Variants in RHOBTB2 observed in about 807,000 individuals in gnomAD.
RHOBTB2 encodes the protein Rho related BTB domain containing 2.
Under a neutral mutation model 66.5 loss-of-function variants are expected in RHOBTB2, and 39 were observed. The observed-to-expected ratio is 0.59, with a 90% CI of 0.45 to 0.77. The LOEUF (loss-of-function observed/expected upper bound fraction) is 0.77. Ranked by LOEUF, RHOBTB2 falls within the 30% of genes least tolerant of loss-of-function variation. The probability of loss-of-function intolerance (pLI) is 0.00; values close to 1 mark genes in which losing one functional copy is unlikely to be tolerated. For synonymous variants in RHOBTB2, 390 were observed against 395.0 expected (o/e 0.99, Z 0.15); for missense variants, 755 against 999.1 (o/e 0.76, Z 3.29).
the RHOBTB2 span, among the ~76,000 whole-genome samples, chr8:22,967,954 C>T: frequency 2.0e-5 from 3 of 151,946 alleles, no homozygotes; most frequent in African/African-American, 4.8e-5. Context: ...TCCAGGAGTT[C>T]GAGAGCAGCC....
Position 23,004,148 on chromosome 8 carries a change from G to C in RHOBTB2, c.-10-277G>C. The C allele has an allele frequency of 2.1e-6, 1 of 478,166 alleles. No individual in the cohort carries two copies. The highest frequency in any genetic ancestry group is 3.9e-6 in the Non-Finnish European group (1 of 258,550). The allele number at this position is 478,166 out of a possible 1,614,324, so 29.6% of individuals were successfully genotyped here. A position where few individuals can be genotyped will look rare whatever the true frequency, so the allele number is the denominator to read the frequency against. The stretch of plus-strand genomic sequence containing the variant: ...AAGCTCCACTGGTGATCTCGCGTAG[G>C]TCTCCTTCATCCAGACGCACAGCTG... On this transcript the variant is annotated intron_variant, in intron 1 of 9. Coordinates refer to ENST00000251822, the MANE Select transcript of RHOBTB2 (RefSeq NM_015178.3). The surrounding 1 kb of genome is among the most constrained non-coding windows in gnomAD (Gnocchi z 6.4).
chr8:22,992,298 T>A (rs1278294529), intron 2 of RHOBTB2: 1 of 152,204 alleles, frequency 6.6e-6, no homozygotes, highest in Non-Finnish European at 1.5e-5. Flanking sequence ...ATAATCTTTA[T>A]TTGTTAACAG....
rs1336196486 is a variant in RHOBTB2, at chr8:22,999,585, T to G, written c.-531T>G. 2 of 1,226,574 alleles carry G rather than the reference T, an allele frequency of 1.6e-6. No individual in the cohort carries two copies. The highest frequency in any genetic ancestry group is 3.4e-5 in the African/African-American group (2 of 59,632). 76.0% of individuals were successfully genotyped at this position (1,226,574 alleles called of 1,614,324 possible). A position where few individuals can be genotyped will look rare whatever the true frequency, so the allele number is the denominator to read the frequency against. ...GGCTGTCGTCTTGGGTGCGATTTTTTTCTCCTCCTTTTTTTACCCTCCCGT... is the reference window on the plus strand; with the variant it reads ...GGCTGTCGTCTTGGGTGCGATTTTTGTCTCCTCCTTTTTTTACCCTCCCGT... On this transcript the variant is annotated 5_prime_UTR_variant, in exon 1 of 10. Coordinates refer to ENST00000251822, the MANE Select transcript of RHOBTB2 (RefSeq NM_015178.3).
chr8:22,965,747 T>C, the RHOBTB2 span, among the ~76,000 whole-genome samples: 2 of 152,226 alleles, frequency 1.3e-5, no homozygotes, highest in African/African-American at 4.8e-5. Context: ...ATGAAATTTT[T>C]GCCTTTTACC....
the RHOBTB2 span, among the ~76,000 whole-genome samples, chr8:22,981,397 C>T: frequency 6.6e-6 from 1 of 152,174 alleles, no homozygotes; most frequent in Non-Finnish European, 1.5e-5. Context: ...GCAGCTCATT[C>T]CTGGTGTAGG....
At chr8:22,964,645 A>G in the RHOBTB2 span, among the ~76,000 whole-genome samples, 1 of 151,854 alleles carries the variant, frequency 6.6e-6, no homozygotes, top group Non-Finnish European at 1.5e-5. Context: ...ACACCATACA[A>G]TCGTGTATGG....
chr8:22,998,826 ATCTC>A (rs1404270115), upstream of RHOBTB2: 3 of 152,096 alleles, frequency 2.0e-5, no homozygotes, highest in Admixed American at 6.5e-5. Flanking sequence ...ATACCTTAGA[ATCTC>A]TCTATTTTAC....
chr8:23,016,486 A>T (rs1040615617), intron 9 of RHOBTB2, among the ~76,000 whole-genome samples: 2 of 152,054 alleles, frequency 1.3e-5, no homozygotes, highest in African/African-American at 4.8e-5. Context: ...ATCTCGGCTC[A>T]CTGCAACCTC....
chr8:22,963,655 TG>T, the RHOBTB2 span, among the ~76,000 whole-genome samples: 2 of 152,132 alleles, frequency 1.3e-5, no homozygotes, highest in Non-Finnish European at 2.9e-5. Flanking sequence ...TTCACATAGC[TG>T]GGGAAGCCTC....
rs1585189420 is a variant in RHOBTB2, at chr8:23,004,733, G to T, written c.192+107G>T. Reference sequence around the variant, plus strand: ...CCAGAGCTCACGGGAGCCCTCTAGGGGTGGGACAGGATGGGTTGGGGGCAG... The same window carrying T: ...CCAGAGCTCACGGGAGCCCTCTAGGTGTGGGACAGGATGGGTTGGGGGCAG... On this transcript the variant is annotated intron_variant, in intron 2 of 9. Transcript: ENST00000251822. The surrounding 1 kb of genome is among the most constrained non-coding windows in gnomAD (Gnocchi z 6.4). 4 of 1,113,020 alleles carry T rather than the reference G, an allele frequency of 3.6e-6. No homozygotes were observed. The highest frequency in any genetic ancestry group is 5.2e-6 in the Non-Finnish European group (4 of 771,134). 68.9% of individuals were successfully genotyped at this position (1,113,020 alleles called of 1,614,324 possible).
At chr8:23,010,710 G>A (rs774558036) in intron 7 of RHOBTB2, 22 bp downstream of exon 7, 3 of 1,612,390 alleles carry the variant, frequency 1.9e-6, no homozygotes, top group East Asian at 2.2e-5. Flanking sequence ...GTGCACTCGG[G>A]GACCTCCCCG....
intron 6 of RHOBTB2, among the ~76,000 whole-genome samples, chr8:23,009,194 AAGGGAGGG>A (rs983058085): frequency 1.2e-4 from 17 of 142,990 alleles, no homozygotes; most frequent in Admixed American, 6.2e-4. Context: ...GAAAAGAAGG[AAGGGAGGG>A]AGGGAGGGAG....
intron 1 of RHOBTB2, among the ~76,000 whole-genome samples, chr8:22,987,933 G>T (rs10090428): frequency 2.5e-4 from 38 of 152,006 alleles, no homozygotes; most frequent in African/African-American, 8.4e-4. Context: ...TTGTGACCCT[G>T]GCCAGGACGG....
In RHOBTB2 at chr8:23,006,465, G is replaced by A. The variant is rs188492184; in HGVS notation, c.483-263G>A. The A allele has an allele frequency of 1.5e-4, 85 of 564,860 alleles. No homozygotes were observed. The highest frequency in any genetic ancestry group is 1.3e-4 in the Non-Finnish European group (40 of 318,768). The allele number at this position is 564,860 out of a possible 1,614,324, so 35.0% of individuals were successfully genotyped here. A position where few individuals can be genotyped will look rare whatever the true frequency, so the allele number is the denominator to read the frequency against. On this transcript the variant is annotated intron_variant, in intron 4 of 9. Coordinates refer to ENST00000251822, the MANE Select transcript of RHOBTB2 (RefSeq NM_015178.3). This position sits in a 1 kb window ranked among gnomAD's most constrained non-coding sequence, Gnocchi z 6.1. ...TAAATACCCATGTGAAGCATTGCCT[G>A]CTAATTGCCAGAGAGGCAGTGCTGT...
chr8:22,964,329 A>T, the RHOBTB2 span, among the ~76,000 whole-genome samples: 1 of 152,180 alleles, frequency 6.6e-6, no homozygotes, highest in Non-Finnish European at 1.5e-5. Context: ...GCATTCCAAC[A>T]TTCATTCCTA....
chr8:22,982,830 G>C (rs2128793666), upstream of RHOBTB2, among the ~76,000 whole-genome samples: 1 of 152,356 alleles, frequency 6.6e-6, no homozygotes, highest in Admixed American at 6.5e-5. Flanking sequence ...GACAGTCTGA[G>C]ATCAAGGTGC....
At position 22,999,648 on chromosome 8, in the gene RHOBTB2, G is replaced by A; in HGVS notation, c.-468G>A. The A allele has an allele frequency of 3.3e-6, 4 of 1,218,170 alleles. No homozygotes were observed. The highest frequency in any genetic ancestry group is 4.2e-6 in the Non-Finnish European group (4 of 956,888). The allele number at this position is 1,218,170 out of a possible 1,614,324, so 75.5% of individuals were successfully genotyped here. A position where few individuals can be genotyped will look rare whatever the true frequency, so the allele number is the denominator to read the frequency against. ...TTTTTTTTTTCCCTATCCTTTTTTT[G>A]TGAATGAAAAAAGGAGGTCGCGAGC... On this transcript the variant is annotated 5_prime_UTR_variant, in exon 1 of 10. It adds an upstream start codon to the 5' untranslated region. Transcript: ENST00000251822.
At chr8:23,016,368 C>G (rs1276098631) in intron 9 of RHOBTB2, among the ~76,000 whole-genome samples, 5 of 152,146 alleles carry the variant, frequency 3.3e-5, no homozygotes, top group Non-Finnish European at 5.9e-5. Flanking sequence ...AGTCTCCACC[C>G]CGATCTCTCC....
the RHOBTB2 span, among the ~76,000 whole-genome samples, chr8:22,953,947 T>TAA: frequency 6.3e-4 from 96 of 152,366 alleles, no homozygotes; most frequent in South Asian, 0.014. Context: ...TAAAATGGTC[T>TAA]AAACACTTGT....
Sources: gnomAD v4.1 joint callset for allele counts (sites outside exome capture counted in the v4.1 genomes callset) on GRCh38, gnomAD v4.1.1 for gene constraint, Gnocchi (gnomAD v3.1) non-coding constraint, MANE v1.5 for transcripts, NCBI Gene and HGNC (gene_info 2026-07-23, HGNC 2026-07-21) for gene names.